The following SLC38A5 variants were observed in gnomAD, a reference collection of about 807,000 sequenced individuals.
The protein encoded by SLC38A5 is sodium-coupled neutral amino acid transporter 5.
In SLC38A5, 9 loss-of-function variants were observed where a neutral mutation model predicts 34.6. The observed-to-expected ratio is 0.26, with a 90% CI of 0.16 to 0.45. SLC38A5 has a LOEUF of 0.45. SLC38A5 is among the 20% of genes least tolerant of loss of function. SLC38A5 has a pLI of 1.00. For missense variants in SLC38A5, 253 were observed against 394.7 expected, an observed-to-expected ratio of 0.64 and a Z score of 3.04; for synonymous variants, 157 against 155.6, an observed-to-expected ratio of 1.01 and a Z score of -0.07.
At position 48,459,569 on chromosome X, in the gene SLC38A5, C is replaced by T. The variant is rs373819217; in HGVS notation, c.1284G>A (p.Glu428=). The change falls in exon 16 of 17, where the codon GAG becomes GAA. Residue 428 remains glutamate (E), a synonymous_variant. Coordinates refer to ENST00000620913, the MANE Select transcript of SLC38A5 (RefSeq NM_033518.4). ...SIFYLRIVPS[E]VEPFLSWPKI... is the part of the protein sequence containing the mutation. The stretch of plus-strand genomic sequence containing the variant: ...TGGGCCAGGATAAGAAAGGCTCCAC[C>T]TCAGAGGGTACAATGCGGAGGTAGA... The T allele has an allele frequency of 1.1e-4, 119 of 1,131,645 alleles. No homozygotes were observed. Among genetic ancestry groups the T allele is most frequent in the Non-Finnish European group, 1.3e-4 (115 of 858,581 alleles). 93.3% of individuals were successfully genotyped at this position (1,131,645 alleles called of 1,213,427 possible).
Position 48,459,675 on chromosome X carries a change from A to G in SLC38A5, c.1214-36T>C, listed in dbSNP as rs375667575. On this transcript the variant is annotated intron_variant, in intron 15 of 16. Coordinates refer to ENST00000620913, the MANE Select transcript of SLC38A5 (RefSeq NM_033518.4). ...AGAAGAAGGGACAGGAGTCAACCTG[A>G]CTTGGGGACAAGGCCCATATTAGAT... is the stretch of plus-strand genomic sequence containing the variant. 3.7e-5 allele frequency: 44 copies of G among 1,182,623 alleles called. No individual in the cohort carries two copies. In the African/African-American group the frequency reaches 6.0e-4, roughly 16 times the overall value.
intron 9 of SLC38A5, among the ~76,000 whole-genome samples, 161 bp from the exon 10 acceptor site, chrX:48,462,452 C>T (rs782655195): frequency 4.9e-4 from 54 of 110,662 alleles, no homozygotes; most frequent in Non-Finnish European, 9.5e-4. Context: ...ACTAAAAATA[C>T]AAAAATTAGC....
rs2061445201 is a variant in SLC38A5, at chrX:48,462,993, G to A, written c.492-13C>T. 8.5e-7 allele frequency: 1 copy of A among 1,170,737 alleles called. No homozygotes were observed. The highest frequency in any genetic ancestry group is 1.2e-6 in the Non-Finnish European group (1 of 864,315). On this transcript the variant is annotated splice_polypyrimidine_tract_variant and intron_variant, in intron 8 of 16. Transcript: ENST00000620913. ...CAAGAACCAGTCCCTAGAGAGACAG[G>A]AAGACACAGTGCCTAGCTGCCAGCC...
rs782211477 is a variant in SLC38A5, at chrX:48,466,843, G to A, written c.275C>T (p.Ser92Leu). ...LALLLCIALL[S>L]SYSIHLLLTC... ...CAGCAGGAGGTGGATGGAGTAGGAC[G>A]ACAGAAGCGCAATGCACAGCAGCAG... is the stretch of plus-strand genomic sequence containing the variant. The change falls in exon 6 of 17, where the codon TCG becomes TTG. Residue 92 changes from serine (S) to leucine (L), a missense_variant. Around this residue, in one of 3 missense-constraint regions of SLC38A5, gnomAD observed 37 missense variants for 85.3 expected, o/e 0.43. Coordinates refer to ENST00000620913, the MANE Select transcript of SLC38A5 (RefSeq NM_033518.4). The A allele has an allele frequency of 1.7e-6, 2 of 1,206,868 alleles. No homozygotes were observed. The highest frequency in any genetic ancestry group is 1.8e-5 in the South Asian group (1 of 56,129).
chrX:48,466,438 G>T, intron 6 of SLC38A5, 116 bp from the exon 7 acceptor site: 1 of 715,055 alleles, frequency 1.4e-6, no homozygotes, highest in Non-Finnish European at 2.1e-6. Context: ...TTGACTGATG[G>T]AGGATGAAGG....
At chrX:48,462,767 T>A in intron 9 of SLC38A5, 131 bp downstream of exon 9, 1 of 502,075 alleles carries the variant, frequency 2.0e-6, no homozygotes, top group Non-Finnish European at 3.2e-6. Flanking sequence ...CTCCTACTAA[T>A]CTGTTCAAGC....
intron 11 of SLC38A5, 86 bp downstream of exon 11, chrX:48,461,921 C>T: frequency 9.0e-7 from 1 of 1,111,402 alleles, no homozygotes; most frequent in Non-Finnish European, 1.2e-6. Flanking sequence ...TGTCGAATAT[C>T]CAGCTCCACT....
intron 8 of SLC38A5, among the ~76,000 whole-genome samples, chrX:48,465,754 G>A (rs1168470131): frequency 5.4e-5 from 6 of 111,696 alleles, no homozygotes; most frequent in African/African-American, 1.6e-4. Flanking sequence ...ATGGTCAGCA[G>A]CAGAGTAAAC....
intron 2 of SLC38A5, chrX:48,469,086 G>A (rs1031562752): frequency 9.6e-6 from 7 of 731,540 alleles, no homozygotes; most frequent in African/African-American, 7.1e-5. Flanking sequence ...CCTGAATCCC[G>A]TTCCTGGGAC....
At chrX:48,463,910 A>G (rs2061457288) in intron 8 of SLC38A5, among the ~76,000 whole-genome samples, 1 of 105,078 alleles carries the variant, frequency 9.5e-6, no homozygotes, top group South Asian at 4.0e-4. Flanking sequence ...AAAGAAAGAA[A>G]GAGAAAGAAA....
rs1556961275 is a variant in SLC38A5 at position 48,458,957 on chromosome X, G to A, written c.1395C>T (p.Gly465=). ...ATCAGTGTCCAGACATGCGGCTCTG[G>A]CCTGTGGCCCAGTTGGCAAACATAA... ...LGFMFANWAT[G]QSRMSGH Residue 465 remains glycine (G), a synonymous_variant, in exon 17 of 17, where the codon GGC becomes GGT. Coordinates refer to ENST00000620913, the MANE Select transcript of SLC38A5 (RefSeq NM_033518.4). 1 of 1,189,384 alleles carries A rather than the reference G, an allele frequency of 8.4e-7. No individual in the cohort carries two copies. The highest frequency in any genetic ancestry group is 2.3e-5 in the Admixed American group (1 of 43,262).
chrX:48,460,923 A>T lies in SLC38A5; in HGVS notation c.952+63T>A, dbSNP rs991560665. ...CAGGTCCGTGGTCACAGAAGGAAAGAGCTCAGAGGCTCCTGCCCCAGGCCT... is the reference window on the plus strand; with the variant it reads ...CAGGTCCGTGGTCACAGAAGGAAAGTGCTCAGAGGCTCCTGCCCCAGGCCT... On this transcript the variant is annotated intron_variant, in intron 13 of 16. Transcript: ENST00000620913. The T allele has an allele frequency of 1.9e-5, 20 of 1,052,513 alleles. No homozygotes were observed. In the Admixed American group the frequency reaches 2.9e-4, roughly 15 times the overall value. 86.7% of individuals were successfully genotyped at this position (1,052,513 alleles called of 1,213,427 possible).
At chrX:48,460,877 C>T in intron 13 of SLC38A5, 109 bp downstream of exon 13, 1 of 1,012,330 alleles carries the variant, frequency 9.9e-7, no homozygotes, top group South Asian at 2.1e-5. Context: ...AAGTGAGGCA[C>T]ACCTTCTGTT....
chrX:48,462,190 G>A (rs1057195357), intron 10 of SLC38A5, 43 bp downstream of exon 10: 2 of 1,211,065 alleles, frequency 1.7e-6, no homozygotes, highest in Non-Finnish European at 2.2e-6. Context: ...AGGAAGCTAT[G>A]TCCCAATGTC....
At chrX:48,466,125 G>T (rs782095524) in intron 7 of SLC38A5, 32 bp from the exon 8 acceptor site, 2 of 1,175,513 alleles carry the variant, frequency 1.7e-6, no homozygotes, top group East Asian at 6.1e-5. Flanking sequence ...TAAGCAGAAG[G>T]ATTCTCTTCA....
chrX:48,458,679 T>TCCA lies in SLC38A5; in HGVS notation c.*253_*254insTGG. 1 of 979,233 alleles carries TCCA rather than the reference T, an allele frequency of 1.0e-6. No individual in the cohort carries two copies. Among genetic ancestry groups the TCCA allele is most frequent in the Non-Finnish European group, 1.3e-6 (1 of 779,116 alleles). The allele number at this position is 979,233 out of a possible 1,213,427, so 80.7% of individuals were successfully genotyped here. A position where few individuals can be genotyped will look rare whatever the true frequency, so the allele number is the denominator to read the frequency against. Reference sequence around the variant, plus strand: ...CCTGGCCTCCTCCTCCTCCTCCTCCTCCTCCTCCTCCTCCTCTTCTTCCTC... The same window carrying TCCA: ...CCTGGCCTCCTCCTCCTCCTCCTCCTCCACCTCCTCCTCCTCCTCTTCTTCCTC... On this transcript the variant is annotated 3_prime_UTR_variant, in exon 17 of 17. Transcript: ENST00000620913.
chrX:48,458,694 T>A lies in SLC38A5; in HGVS notation c.*239A>T. On this transcript the variant is annotated 3_prime_UTR_variant, in exon 17 of 17. Transcript: ENST00000620913. Reference sequence around the variant, plus strand: ...CTCCTCCTCCTCCTCCTCCTCCTCCTCTTCTTCCTCCTCCTCCTCCTCCCA... The same window carrying A: ...CTCCTCCTCCTCCTCCTCCTCCTCCACTTCTTCCTCCTCCTCCTCCTCCCA... 2 of 983,879 alleles carry A rather than the reference T, an allele frequency of 2.0e-6. No individual in the cohort carries two copies. 81.1% of individuals were successfully genotyped at this position (983,879 alleles called of 1,213,427 possible). A position where few individuals can be genotyped will look rare whatever the true frequency, so the allele number is the denominator to read the frequency against.
Position 48,460,748 on chromosome X carries a change from C to G in SLC38A5, c.969G>C (p.Glu323Asp). 8.3e-7 allele frequency: 1 copy of G among 1,211,322 alleles called. No homozygotes were observed. The highest frequency in any genetic ancestry group is 1.1e-6 in the Non-Finnish European group (1 of 895,086). ...CCTTCTGGCTGTACATGTGCAGCAT[C>G]TCCGCCTTCACACTGCCTGGGCCAT... ...YLTFYSSVKA[E>D]MLHMYSQKDP... The change falls in exon 14 of 17, where the codon GAG becomes GAC. Residue 323 changes from glutamate (E) to aspartate (D), a missense_variant. By Grantham distance (45) the Glu-to-Asp change is conservative. Coordinates refer to ENST00000620913, the MANE Select transcript of SLC38A5 (RefSeq NM_033518.4).
At chrX:48,467,624 G>T in intron 4 of SLC38A5, 86 bp downstream of exon 4, 1 of 952,261 alleles carries the variant, frequency 1.1e-6, no homozygotes, top group Non-Finnish European at 1.5e-6. Context: ...ACAGCAGGGA[G>T]GAGGAGGAGT....
Sources: allele counts gnomAD v4.1 joint callset (sites outside exome capture counted in the v4.1 genomes callset), GRCh38; gene constraint gnomAD v4.1.1; regional missense constraint gnomAD v4.1.1; transcripts MANE v1.5; gene names NCBI Gene and HGNC (gene_info 2026-07-23, HGNC 2026-07-21).